Variants in SPIDR observed in about 807,000 individuals in gnomAD.
The protein encoded by SPIDR is DNA repair-scaffolding protein.
A neutral mutation model predicts 104.6 loss-of-function variants in SPIDR; 93 were observed. That is an observed-to-expected ratio of 0.89 (90% confidence interval 0.75 to 1.06). The LOEUF (loss-of-function observed/expected upper bound fraction) is 1.06, where lower values mean the gene tolerates loss of function less well. Among genes scored for constraint, SPIDR ranks in the 50% least tolerant of loss-of-function variants. The pLI is 0.00. For synonymous variants in SPIDR, 431 were observed against 416.9 expected (o/e 1.03, Z -0.41); for missense variants, 1,154 against 1,111.2 (o/e 1.04, Z -0.55).
intron 8 of SPIDR, among the ~76,000 whole-genome samples, chr8:47,525,044 T>A (rs1000573649): frequency 6.6e-6 from 1 of 152,240 alleles, no homozygotes; most frequent in Non-Finnish European, 1.5e-5. Context: ...TCCTGCTAGT[T>A]CTGATCCGAG....
chr8:47,669,893 G>T (rs1262486856), intron 10 of SPIDR, among the ~76,000 whole-genome samples: 1 of 151,042 alleles, frequency 6.6e-6, no homozygotes, highest in Non-Finnish European at 1.5e-5. Flanking sequence ...CCAGCTACTC[G>T]GGAGGCTGAG....
intron 8 of SPIDR, among the ~76,000 whole-genome samples, chr8:47,522,212 T>G (rs1422825338): frequency 6.7e-6 from 1 of 149,836 alleles, no homozygotes; most frequent in Non-Finnish European, 1.5e-5. Flanking sequence ...GAAACATGAA[T>G]GAGCAGGAGA....
chr8:47,298,647 G>T (rs1271781618), intron 5 of SPIDR, among the ~76,000 whole-genome samples: 7 of 152,156 alleles, frequency 4.6e-5, no homozygotes, highest in African/African-American at 1.7e-4. Flanking sequence ...GTAAGGAAGG[G>T]ATCTGGTTTC....
At chr8:47,459,400 A>G (rs1564028795) in intron 8 of SPIDR, among the ~76,000 whole-genome samples, 1 of 152,014 alleles carries the variant, frequency 6.6e-6, no homozygotes, top group East Asian at 1.9e-4. Flanking sequence ...AGCATCCTCT[A>G]GGTTTTCTAG....
chr8:47,397,235 C>T (rs955230314), intron 6 of SPIDR, among the ~76,000 whole-genome samples: 4 of 152,106 alleles, frequency 2.6e-5, no homozygotes, highest in Admixed American at 6.5e-5. Flanking sequence ...CGGTGGCTCA[C>T]GCCTGTAATC....
chr8:47,673,389 C>T, intron 10 of SPIDR: 1 of 456,974 alleles, frequency 2.2e-6, no homozygotes, highest in Non-Finnish European at 4.4e-6. Context: ...ATCGAGCATC[C>T]ACACAAAGCA....
At chr8:47,285,017 A>C (rs1440509887) in intron 3 of SPIDR, among the ~76,000 whole-genome samples, 13 of 152,204 alleles carry the variant, frequency 8.5e-5, no homozygotes, top group African/African-American at 3.1e-4. Flanking sequence ...TAATCTTTGA[A>C]AACTAAGCTA....
chr8:47,587,055 C>A (rs936269017), intron 8 of SPIDR, among the ~76,000 whole-genome samples: 1 of 152,186 alleles, frequency 6.6e-6, no homozygotes, highest in African/African-American at 2.4e-5. Flanking sequence ...CAGACGTGAG[C>A]CACTGCGCTC....
intron 5 of SPIDR, among the ~76,000 whole-genome samples, chr8:47,366,483 A>G (rs562173867): frequency 1.9e-4 from 29 of 152,354 alleles, no homozygotes; most frequent in South Asian, 1.7e-3. Flanking sequence ...AGGTCAGTGC[A>G]GGAGACCAGT....
At chr8:47,292,911 C>T (rs2040179492) in intron 4 of SPIDR, among the ~76,000 whole-genome samples, 5 of 151,988 alleles carry the variant, frequency 3.3e-5, no homozygotes. Context: ...ATGAGTGCTG[C>T]ACAGATGTGT....
intron 8 of SPIDR, among the ~76,000 whole-genome samples, chr8:47,501,602 G>C (rs1196852993): frequency 1.3e-5 from 2 of 152,180 alleles, no homozygotes; most frequent in Admixed American, 6.5e-5. Flanking sequence ...GGGACAATTT[G>C]ACTTCCTCTT....
intron 8 of SPIDR, among the ~76,000 whole-genome samples, chr8:47,513,952 C>T (rs756350075): frequency 1.3e-5 from 2 of 152,110 alleles, no homozygotes; most frequent in Admixed American, 6.5e-5. Flanking sequence ...ACAGGTGAAC[C>T]ATGTGCCTTC....
intron 10 of SPIDR, among the ~76,000 whole-genome samples, chr8:47,672,103 G>A (rs766619993): frequency 3.3e-5 from 5 of 152,108 alleles, no homozygotes; most frequent in Admixed American, 6.6e-5. Flanking sequence ...GACTATGGGC[G>A]TTCGCCATCA....
chr8:47,627,236 T>G (rs1170620123), intron 10 of SPIDR, among the ~76,000 whole-genome samples: 1 of 151,946 alleles, frequency 6.6e-6, no homozygotes, highest in Non-Finnish European at 1.5e-5. Flanking sequence ...TGGGGACTGT[T>G]GTGGGGTGGC....
intron 11 of SPIDR, among the ~76,000 whole-genome samples, chr8:47,687,307 A>G (rs1198732437): frequency 1.3e-5 from 2 of 152,186 alleles, no homozygotes; most frequent in Non-Finnish European, 2.9e-5. Context: ...CCTTTTACCC[A>G]CTGGATATTT....
intron 5 of SPIDR, among the ~76,000 whole-genome samples, chr8:47,302,669 G>T (rs1160849439): frequency 6.6e-6 from 1 of 152,194 alleles, no homozygotes; most frequent in African/African-American, 2.4e-5. Flanking sequence ...TAACAGTCAG[G>T]ACCCTCAGCT....
chr8:47,619,168 T>C (rs1563331034), intron 10 of SPIDR, among the ~76,000 whole-genome samples: 1 of 152,164 alleles, frequency 6.6e-6, no homozygotes, highest in Non-Finnish European at 1.5e-5. Context: ...AATGATTAAG[T>C]TGGTTTTAGT....
Position 47,629,249 on chromosome 8 carries a change from T to G in SPIDR, c.1544+30053T>G, listed in dbSNP as rs562871034. Among the ~76,000 whole-genome samples, 282 of 152,294 alleles carry G rather than the reference T, an allele frequency of 1.9e-3. 2 individuals carry two copies. Among genetic ancestry groups the G allele is most frequent in the Non-Finnish European group, 3.3e-3 (225 of 68,028 alleles). On this transcript the variant is annotated intron_variant, in intron 10 of 19. Coordinates refer to ENST00000297423, the MANE Select transcript of SPIDR (RefSeq NM_001080394.4). ...CCTCACAGGAGATTGTTTAGTAGATTAAGTGAGATAACAAAGATGAGATGC... is the reference window on the plus strand; with the variant it reads ...CCTCACAGGAGATTGTTTAGTAGATGAAGTGAGATAACAAAGATGAGATGC...
intron 10 of SPIDR, among the ~76,000 whole-genome samples, chr8:47,617,613 A>G (rs540017551): frequency 9.2e-5 from 14 of 152,344 alleles, no homozygotes; most frequent in African/African-American, 3.4e-4. Context: ...TGCAAGTGTT[A>G]AATAGGATAA....
Sources: allele counts gnomAD v4.1 joint callset (sites outside exome capture counted in the v4.1 genomes callset), GRCh38; gene constraint gnomAD v4.1.1; transcripts MANE v1.5; gene names NCBI Gene and HGNC (gene_info 2026-07-23, HGNC 2026-07-21).